KCNQ3: variants seen among roughly 807,000 people sequenced by gnomAD.
KCNQ3 encodes potassium voltage-gated channel subfamily KQT member 3.
A neutral mutation model predicts 92.5 loss-of-function variants in KCNQ3; 30 were observed. The observed-to-expected ratio is 0.32, with a 90% CI of 0.24 to 0.44. The LOEUF is 0.44. Ranked by LOEUF, KCNQ3 falls within the 20% of genes least tolerant of loss-of-function variation. The probability of loss-of-function intolerance (pLI) is 1.00; values close to 1 mark genes in which losing one functional copy is unlikely to be tolerated. For synonymous variants in KCNQ3, 450 were observed against 468.8 expected, an observed-to-expected ratio of 0.96 and a Z score of 0.52; for missense variants, 913 against 1,140.3, an observed-to-expected ratio of 0.80 and a Z score of 2.87.
At chr8:132,332,126 T>A (rs1164590364) in intron 1 of KCNQ3, among the ~76,000 whole-genome samples, 1 of 152,174 alleles carries the variant, frequency 6.6e-6, no homozygotes, top group African/African-American at 2.4e-5. Context: ...GGGGCCTCCT[T>A]GCATGCTCTC....
intron 1 of KCNQ3, among the ~76,000 whole-genome samples, chr8:132,334,993 TCTTCCTTCCTTCCTTCCTTC>T (rs68135959): frequency 1.1e-4 from 16 of 149,632 alleles, no homozygotes; most frequent in African/African-American, 3.9e-4. Flanking sequence ...TAGACATTTT[TCTTCCTTCCTTCCTTCCTTC>T]CTTCCTTCCT....
rs867625794 is a variant in KCNQ3, at chr8:132,184,297, C to T, written c.548G>A (p.Arg183Gln). 1.2e-6 allele frequency: 2 copies of T among 1,614,110 alleles called. No homozygotes were observed. The highest frequency in any genetic ancestry group is 2.2e-5 in the East Asian group (1 of 44,876). Reference protein sequence around the residue: ...LRIWAAGCCCRYKGWRGRLKF... With the variant: ...LRIWAAGCCCQYKGWRGRLKF... ...CAGTCGGCCCCGCCAGCCTTTGTAT[C>T]GGCAGCAACATCCAGCAGCCCAGAT... is the stretch of plus-strand genomic sequence containing the variant. Residue 183 changes from arginine to glutamine, a missense_variant, in exon 3 of 15, where the codon CGA (arginine) becomes CAA (glutamine). Coordinates refer to ENST00000388996, the MANE Select transcript of KCNQ3 (RefSeq NM_004519.4).
chr8:132,451,947 C>CT (rs919994238), intron 1 of KCNQ3, among the ~76,000 whole-genome samples: 14 of 151,776 alleles, frequency 9.2e-5, no homozygotes, highest in Non-Finnish European at 1.6e-4. Flanking sequence ...AAATGAAGTT[C>CT]TTTTTTTTGC....
rs367922097 is a variant in KCNQ3, at chr8:132,408,666, A to C, written c.386+71481T>G. On this transcript the variant is annotated intron_variant, in intron 1 of 14. Transcript: ENST00000388996. Reference sequence around the variant, plus strand: ...CCAGTCAACTTTGAGTTAATCAAGGAGATTATCCTGGGTGGGCCTGACCAA... The same window carrying C: ...CCAGTCAACTTTGAGTTAATCAAGGCGATTATCCTGGGTGGGCCTGACCAA... Among the ~76,000 whole-genome samples, 14 of 152,314 alleles carry C rather than the reference A, an allele frequency of 9.2e-5. No homozygotes were observed. In the East Asian group the frequency reaches 1.5e-3, roughly 17 times the overall value.
At chr8:132,223,009 T>G (rs558736032) in intron 1 of KCNQ3, among the ~76,000 whole-genome samples, 157 of 152,372 alleles carry the variant, frequency 1.0e-3, no homozygotes, top group African/African-American at 3.5e-3. Context: ...CCATAATCAT[T>G]ACTGGTTGTC....
At chr8:132,419,747 A>T (rs908043017) in intron 1 of KCNQ3, among the ~76,000 whole-genome samples, 7 of 152,218 alleles carry the variant, frequency 4.6e-5, no homozygotes, top group Non-Finnish European at 1.0e-4. Flanking sequence ...TAGAGATGAG[A>T]AAACTGAGGC....
rs547158881 is a variant in KCNQ3, at chr8:132,454,640, T to A, written c.386+25507A>T. 2.4e-3 allele frequency among the ~76,000 whole-genome samples: 360 copies of A among 152,118 alleles called. 1 individual carries two copies. The highest frequency in any genetic ancestry group is 0.011 in the South Asian group (55 of 4,806). ...AGTGCCTGATACCCACACTGTCCTTTCCCCCGACTGACCACCATGGAGCAG... is the reference window on the plus strand; with the variant it reads ...AGTGCCTGATACCCACACTGTCCTTACCCCCGACTGACCACCATGGAGCAG... On this transcript the variant is annotated intron_variant, in intron 1 of 14. Coordinates refer to ENST00000388996, the MANE Select transcript of KCNQ3 (RefSeq NM_004519.4).
At chr8:132,380,444 C>T (rs1819716623) in intron 1 of KCNQ3, among the ~76,000 whole-genome samples, 2 of 152,164 alleles carry the variant, frequency 1.3e-5, no homozygotes, top group Admixed American at 1.3e-4. Context: ...TCATCAGAAG[C>T]CGGATGAAGA....
At position 132,126,107 on chromosome 8, in the gene KCNQ3, C is replaced by T. The variant is rs1189677693; in HGVS notation, c.*3155G>A. The T allele has an allele frequency of 6.6e-6, 1 of 152,188 alleles. No homozygotes were observed. The highest frequency in any genetic ancestry group is 2.4e-5 in the African/African-American group (1 of 41,428). The allele number at this position is 152,188 out of a possible 1,614,324, so 9.4% of individuals were successfully genotyped here. A position where few individuals can be genotyped will look rare whatever the true frequency, so the allele number is the denominator to read the frequency against. ...GTGACCCAGAAAGACCAAATACATA[C>T]ATGAGATCATAGTTTTACCTGATAA... On this transcript the variant is annotated 3_prime_UTR_variant, in exon 15 of 15. Transcript: ENST00000388996.
chr8:132,288,312 T>C (rs1563842233), intron 1 of KCNQ3, among the ~76,000 whole-genome samples: 1 of 152,228 alleles, frequency 6.6e-6, no homozygotes, highest in Non-Finnish European at 1.5e-5. Context: ...AGCATTCCCA[T>C]GTTACTCTTT....
At position 132,120,941 on chromosome 8, in the gene KCNQ3, C is replaced by T. The variant is rs375301571; in HGVS notation, c.*8321G>A. 3 of 152,194 alleles carry T rather than the reference C, an allele frequency of 2.0e-5. No individual in the cohort carries two copies. The East Asian group carries it at 5.8e-4, about 29-fold the overall frequency. 9.4% of individuals were successfully genotyped at this position (152,194 alleles called of 1,614,324 possible). On this transcript the variant is annotated 3_prime_UTR_variant, in exon 15 of 15. Coordinates refer to ENST00000388996, the MANE Select transcript of KCNQ3 (RefSeq NM_004519.4). Reference sequence around the variant, plus strand: ...TAAAAAATCAGGTAAGAATTATTTGCATAATATATATGGAAATCAACCTAT... The same window carrying T: ...TAAAAAATCAGGTAAGAATTATTTGTATAATATATATGGAAATCAACCTAT...
chr8:132,480,594 C>A lies in KCNQ3; in HGVS notation c.-62G>T. On this transcript the variant is annotated 5_prime_UTR_variant, in exon 1 of 15. Transcript: ENST00000388996. ...TGCTGCTCTGGGAAGAAGGGGCGCTCGGGGTGCGTGAACGAGGCGGCGGCG... is the reference window on the plus strand; with the variant it reads ...TGCTGCTCTGGGAAGAAGGGGCGCTAGGGGTGCGTGAACGAGGCGGCGGCG... The A allele has an allele frequency of 1.6e-6, 2 of 1,228,876 alleles. No homozygotes were observed. The highest frequency in any genetic ancestry group is 1.6e-5 in the South Asian group (1 of 63,202). The allele number at this position is 1,228,876 out of a possible 1,614,324, so 76.1% of individuals were successfully genotyped here. A position where few individuals can be genotyped will look rare whatever the true frequency, so the allele number is the denominator to read the frequency against.
chr8:132,307,667 T>C (rs907036398), intron 1 of KCNQ3, among the ~76,000 whole-genome samples: 2 of 152,182 alleles, frequency 1.3e-5, no homozygotes. Flanking sequence ...CTCATAAGTG[T>C]TTGTTTAATT....
At chr8:132,362,029 A>T (rs1460118124) in intron 1 of KCNQ3, among the ~76,000 whole-genome samples, 1 of 152,184 alleles carries the variant, frequency 6.6e-6, no homozygotes, top group Non-Finnish European at 1.5e-5. Flanking sequence ...GTAATTGTGA[A>T]ATGAGTAGTA....
At chr8:132,158,810 A>C (rs1415553970) in intron 9 of KCNQ3, among the ~76,000 whole-genome samples, 1 of 152,214 alleles carries the variant, frequency 6.6e-6, no homozygotes, top group Non-Finnish European at 1.5e-5. Context: ...TTTGTAAGTT[A>C]CTATTGGATT....
chr8:132,234,437 T>C (rs1270975453), intron 1 of KCNQ3, among the ~76,000 whole-genome samples: 1 of 143,824 alleles, frequency 7.0e-6, no homozygotes, highest in Non-Finnish European at 1.5e-5. Flanking sequence ...AGGGAAAGCC[T>C]GCCTGCACAG....
At chr8:132,416,633 C>CA (rs912506286) in intron 1 of KCNQ3, among the ~76,000 whole-genome samples, 52 of 151,930 alleles carry the variant, frequency 3.4e-4, no homozygotes, top group African/African-American at 9.9e-4. Flanking sequence ...AACAAACAAA[C>CA]AAAAAAAATT....
At chr8:132,253,948 T>G (rs539325799) in intron 1 of KCNQ3, among the ~76,000 whole-genome samples, 216 of 152,286 alleles carry the variant, frequency 1.4e-3, no homozygotes, top group Non-Finnish European at 2.6e-3. Context: ...AAAGTTCAAG[T>G]GCATAAACAG....
chr8:132,365,641 G>C (rs1819300899), intron 1 of KCNQ3, among the ~76,000 whole-genome samples: 1 of 152,204 alleles, frequency 6.6e-6, no homozygotes, highest in Admixed American at 6.5e-5. Flanking sequence ...ATGCCTCAAA[G>C]TTTGTTGTCA....
Sources: gnomAD v4.1 joint callset for allele counts (sites outside exome capture counted in the v4.1 genomes callset) on GRCh38, gnomAD v4.1.1 for gene constraint, MANE v1.5 for transcripts, NCBI Gene and HGNC (gene_info 2026-07-23, HGNC 2026-07-21) for gene names.